The following LRP11 variants were observed in gnomAD, a reference collection of about 807,000 sequenced individuals.
The protein encoded by LRP11 is LDL receptor related protein 11.
Under a neutral mutation model 43.1 loss-of-function variants are expected in LRP11, and 25 were observed. That is an observed-to-expected ratio of 0.58 (90% CI 0.42 to 0.81). The LOEUF (loss-of-function observed/expected upper bound fraction) is 0.81, where lower values mean the gene tolerates loss of function less well. LRP11 is among the 30% of genes least tolerant of loss of function. The probability of loss-of-function intolerance (pLI) is 0.00; values close to 1 mark genes in which losing one functional copy is unlikely to be tolerated. For missense variants in LRP11, 623 were observed against 665.1 expected (o/e 0.94, Z 0.70); for synonymous variants, 316 against 299.4 (o/e 1.06, Z -0.57).
At chr6:149,855,631 C>G (rs1776786435) in intron 1 of LRP11, among the ~76,000 whole-genome samples, 1 of 151,398 alleles carries the variant, frequency 6.6e-6, no homozygotes, top group Non-Finnish European at 1.5e-5. Flanking sequence ...TGTGAGGGGT[C>G]TGGGGCTCTT....
intron 1 of LRP11, among the ~76,000 whole-genome samples, chr6:149,862,961 T>A (rs1374358373): frequency 6.6e-6 from 1 of 152,178 alleles, no homozygotes; most frequent in Admixed American, 6.5e-5. Flanking sequence ...CCTCCCATTT[T>A]TGTATGATGA....
intron 1 of LRP11, among the ~76,000 whole-genome samples, chr6:149,860,264 TC>T (rs1776871212): frequency 6.6e-6 from 1 of 152,094 alleles, no homozygotes; most frequent in South Asian, 2.1e-4. Flanking sequence ...GGGGCCCACT[TC>T]CCAAATTCTT....
rs1316838488 is a variant in LRP11, at chr6:149,841,920, A to G, written c.913+1063T>C. On this transcript the variant is annotated intron_variant, in intron 3 of 6. Coordinates refer to ENST00000239367, the MANE Select transcript of LRP11 (RefSeq NM_032832.6). Reference sequence around the variant, plus strand: ...GCAACAAGAGCAAAACTCCCTCTCAAAAAAAAAATGTAGATGTTTAGAAAA... The same window carrying G: ...GCAACAAGAGCAAAACTCCCTCTCAGAAAAAAAATGTAGATGTTTAGAAAA... 3.3e-5 allele frequency among the ~76,000 whole-genome samples: 5 copies of G among 151,542 alleles called. No homozygotes were observed. In the East Asian group the frequency reaches 7.7e-4, roughly 23 times the overall value.
At chr6:149,837,813 T>C (rs1000059103) in intron 3 of LRP11, among the ~76,000 whole-genome samples, 7 of 152,186 alleles carry the variant, frequency 4.6e-5, no homozygotes, top group African/African-American at 9.7e-5. Context: ...GAAACCATTG[T>C]TGGAACCTCT....
At chr6:149,823,601 C>T (rs939356380) in intron 6 of LRP11, among the ~76,000 whole-genome samples, 5 of 152,058 alleles carry the variant, frequency 3.3e-5, no homozygotes, top group East Asian at 1.9e-4. Context: ...TATAGCTGGC[C>T]GCCTCTTGAA....
Position 149,843,077 on chromosome 6 carries a change from G to C in LRP11, c.819C>G (p.Thr273=). The change falls in exon 3 of 7, where the codon ACC becomes ACG. Residue 273 remains threonine, a synonymous_variant. Coordinates refer to ENST00000239367, the MANE Select transcript of LRP11 (RefSeq NM_032832.6). The stretch of plus-strand genomic sequence containing the variant: ...CCGTCACGGTCAGCTGGAAGGTGTA[G>C]GTTCCCTCCTGTAGGTGGGACAGCT... The part of the protein sequence containing the change: ...TLKLSHLQEG[T]YTFQLTVTDT... The C allele has an allele frequency of 6.2e-7, 1 of 1,614,172 alleles. No homozygotes were observed. Among genetic ancestry groups the C allele is most frequent in the East Asian group, 2.2e-5 (1 of 44,874 alleles).
intron 5 of LRP11, among the ~76,000 whole-genome samples, chr6:149,833,643 T>C (rs1317924159): frequency 6.6e-6 from 1 of 152,240 alleles, no homozygotes; most frequent in Non-Finnish European, 1.5e-5. Flanking sequence ...TATTTTTCTA[T>C]ATTTTCTACA....
At chr6:149,857,622 T>C (rs1240607674) in intron 1 of LRP11, among the ~76,000 whole-genome samples, 3 of 152,080 alleles carry the variant, frequency 2.0e-5, no homozygotes, top group African/African-American at 7.2e-5. Context: ...AGCCACAAGA[T>C]TAGAAATTAT....
chr6:149,830,309 C>A (rs1776393358), intron 5 of LRP11, among the ~76,000 whole-genome samples: 1 of 152,090 alleles, frequency 6.6e-6, no homozygotes, highest in African/African-American at 2.4e-5. Flanking sequence ...CCGTGCCCAG[C>A]TGAGATTATT....
rs545401484 is a variant in LRP11 at position 149,818,895 on chromosome 6, T to A, written c.*1654A>T. ...TAGCAACACAAAATTAATTTCTTCATGTATAAAAGATGTGCTGAAAGCTGC... is the reference window on the plus strand; with the variant it reads ...TAGCAACACAAAATTAATTTCTTCAAGTATAAAAGATGTGCTGAAAGCTGC... On this transcript the variant is annotated 3_prime_UTR_variant, in exon 7 of 7. Transcript: ENST00000239367. 6.5e-6 allele frequency: 1 copy of A among 152,780 alleles called. No homozygotes were observed. Among genetic ancestry groups the A allele is most frequent in the South Asian group, 2.1e-4 (1 of 4,828 alleles). The allele number at this position is 152,780 out of a possible 1,614,324, so 9.5% of individuals were successfully genotyped here. A position where few individuals can be genotyped will look rare whatever the true frequency, so the allele number is the denominator to read the frequency against.
chr6:149,862,601 TGGAG>T (rs1583101996), intron 1 of LRP11, among the ~76,000 whole-genome samples: 83 of 139,724 alleles, frequency 5.9e-4, no homozygotes, highest in East Asian at 1.9e-3. Context: ...TTTTTTAAGA[TGGAG>T]TTTCGCTCTT....
chr6:149,833,622 A>T (rs1448500540), intron 5 of LRP11, among the ~76,000 whole-genome samples: 1 of 152,192 alleles, frequency 6.6e-6, no homozygotes, highest in Non-Finnish European at 1.5e-5. Flanking sequence ...AGATGCTTTT[A>T]ACTTTCTTTG....
At chr6:149,850,618 A>G (rs575754740) in intron 2 of LRP11, among the ~76,000 whole-genome samples, 1 of 152,348 alleles carries the variant, frequency 6.6e-6, no homozygotes, top group East Asian at 1.9e-4. Flanking sequence ...TCAGTACTGA[A>G]ATGAATCTAC....
At chr6:149,852,183 G>A (rs958497101) in intron 2 of LRP11, among the ~76,000 whole-genome samples, 5 of 152,140 alleles carry the variant, frequency 3.3e-5, no homozygotes, top group African/African-American at 2.4e-5. Context: ...TATAATCAGG[G>A]AGTAAAATCA....
Position 149,864,276 on chromosome 6 carries a change from G to C in LRP11, c.-256C>G, listed in dbSNP as rs1417883178. ...CTCGCCGGAGACTGCCCAGCGCCCTGCGCCTCTCCGCCCCGGCCTGCGGCG... is the reference window on the plus strand; with the variant it reads ...CTCGCCGGAGACTGCCCAGCGCCCTCCGCCTCTCCGCCCCGGCCTGCGGCG... On this transcript the variant is annotated 5_prime_UTR_variant, in exon 1 of 7. Coordinates refer to ENST00000239367, the MANE Select transcript of LRP11 (RefSeq NM_032832.6). 9.4e-7 allele frequency: 1 copy of C among 1,059,140 alleles called. No homozygotes were observed. The highest frequency in any genetic ancestry group is 1.1e-6 in the Non-Finnish European group (1 of 879,216). 65.6% of individuals were successfully genotyped at this position (1,059,140 alleles called of 1,614,324 possible). A position where few individuals can be genotyped will look rare whatever the true frequency, so the allele number is the denominator to read the frequency against.
chr6:149,830,547 T>G (rs1449197908), intron 5 of LRP11, among the ~76,000 whole-genome samples: 2 of 152,192 alleles, frequency 1.3e-5, no homozygotes, highest in Admixed American at 1.3e-4. Flanking sequence ...TAAATGATTT[T>G]TAGGAAGGTT....
rs1199839989 is a variant in LRP11, at chr6:149,853,159, T to C, written c.615A>G (p.Glu205=). 1 of 1,558,514 alleles carries C rather than the reference T, an allele frequency of 6.4e-7. No individual in the cohort carries two copies. Among genetic ancestry groups the C allele is most frequent in the South Asian group, 1.2e-5 (1 of 82,860 alleles). ...LATARASPRQ[E]KDAPPLSKAG... is the part of the protein sequence containing the mutation. ...CCTTGCTAAGTGGAGGCGCATCCTTTTCTGAGAAAGAAAATAAATAATTCA... is the reference window on the plus strand; with the variant it reads ...CCTTGCTAAGTGGAGGCGCATCCTTCTCTGAGAAAGAAAATAAATAATTCA... Residue 205 remains glutamate, a splice_region_variant and synonymous_variant, in exon 2 of 7, where the codon GAA becomes GAG. Coordinates refer to ENST00000239367, the MANE Select transcript of LRP11 (RefSeq NM_032832.6).
intron 6 of LRP11, among the ~76,000 whole-genome samples, chr6:149,824,751 T>C (rs547453892): frequency 6.6e-6 from 1 of 151,976 alleles, no homozygotes; most frequent in Admixed American, 6.6e-5. Context: ...TCCCAGCTAC[T>C]AGGGAGGCTG....
intron 5 of LRP11, among the ~76,000 whole-genome samples, chr6:149,829,274 C>T (rs369806047): frequency 2.0e-5 from 3 of 152,112 alleles, no homozygotes; most frequent in Admixed American, 6.6e-5. Flanking sequence ...AAATAATAAG[C>T]CAGGGCCTGG....
Sources: gnomAD v4.1 joint callset for allele counts (sites outside exome capture counted in the v4.1 genomes callset) on GRCh38, gnomAD v4.1.1 for gene constraint, MANE v1.5 for transcripts, NCBI Gene and HGNC (gene_info 2026-07-23, HGNC 2026-07-21) for gene names.